Variants in GRK5 observed in about 807,000 individuals in gnomAD.
The protein encoded by GRK5 is G protein-coupled receptor kinase 5, also known as g protein-coupled receptor kinase GRK5.
In GRK5, 40 loss-of-function variants were observed where a neutral mutation model predicts 78.4. That is an observed-to-expected ratio of 0.51 (90% CI 0.40 to 0.66). The LOEUF (loss-of-function observed/expected upper bound fraction) is 0.66, where lower values mean the gene tolerates loss of function less well. Ranked by LOEUF, GRK5 falls within the 30% of genes least tolerant of loss-of-function variation. The pLI, the probability that GRK5 is intolerant of heterozygous loss-of-function variation, is 0.00. For missense variants in GRK5, 598 were observed against 759.9 expected (o/e 0.79, Z 2.50); for synonymous variants, 289 against 296.8 (o/e 0.97, Z 0.27).
At chr10:119,394,181 G>GGTGTGTGTATCCAT (rs1554916205) in intron 3 of GRK5, among the ~76,000 whole-genome samples, 18 of 33,338 alleles carry the variant, frequency 5.4e-4, no homozygotes, top group Non-Finnish European at 7.1e-4. Context: ...TGTGTGTGTG[G>GGTGTGTGTATCCAT]GTGTCTGTGT....
intron 1 of GRK5, among the ~76,000 whole-genome samples, chr10:119,212,131 A>C (rs1848497889): frequency 6.6e-6 from 1 of 151,678 alleles, no homozygotes; most frequent in South Asian, 2.1e-4. Context: ...TGTTAAACAC[A>C]ATGCCGTTAA....
intron 1 of GRK5, among the ~76,000 whole-genome samples, chr10:119,277,432 C>T (rs568556667): frequency 4.2e-4 from 64 of 152,244 alleles, no homozygotes; most frequent in African/African-American, 1.3e-3. Flanking sequence ...TGCATGCATT[C>T]TGTACCTGCT....
In GRK5 at chr10:119,385,752, G is replaced by A. The variant is rs553715854; in HGVS notation, c.261+4825G>A. 4.6e-5 allele frequency among the ~76,000 whole-genome samples: 7 copies of A among 152,298 alleles called. No homozygotes were observed. The South Asian group carries it at 8.3e-4, about 18-fold the overall frequency. ...CCTTGTGGGGAAAATCAAGAGCTCC[G>A]TTTTAGGCACACGCGCCTTGGGATG... On this transcript the variant is annotated intron_variant, in intron 3 of 15. Coordinates refer to ENST00000392870, the MANE Select transcript of GRK5 (RefSeq NM_005308.3).
intron 1 of GRK5, among the ~76,000 whole-genome samples, chr10:119,261,852 T>C (rs981053910): frequency 3.2e-4 from 49 of 152,054 alleles, no homozygotes; most frequent in African/African-American, 8.9e-4. Context: ...GGCAGCAGTA[T>C]AGTCCAGCTT....
chr10:119,302,592 C>G (rs919090191), intron 1 of GRK5, among the ~76,000 whole-genome samples: 11 of 152,216 alleles, frequency 7.2e-5, no homozygotes, highest in Non-Finnish European at 1.2e-4. Context: ...TACCTGCTCC[C>G]CAGGGCACCT....
At chr10:119,368,157 T>A (rs559993066) in intron 2 of GRK5, among the ~76,000 whole-genome samples, 1 of 152,302 alleles carries the variant, frequency 6.6e-6, no homozygotes, top group South Asian at 2.1e-4. Context: ...CAGGGCAGCG[T>A]GCAGGAAGGA....
At chr10:119,243,140 G>A (rs1006879581) in intron 1 of GRK5, among the ~76,000 whole-genome samples, 1 of 152,176 alleles carries the variant, frequency 6.6e-6, no homozygotes, top group Non-Finnish European at 1.5e-5. Flanking sequence ...AGGAGGCTGA[G>A]ACAGGAGAAT....
At chr10:119,308,880 G>A (rs982178039) in intron 1 of GRK5, among the ~76,000 whole-genome samples, 2 of 152,206 alleles carry the variant, frequency 1.3e-5, no homozygotes, top group Non-Finnish European at 2.9e-5. Context: ...GGGAATGCTG[G>A]CAGGATGGCC....
intron 1 of GRK5, among the ~76,000 whole-genome samples, chr10:119,262,392 G>A (rs954788078): frequency 7.1e-6 from 1 of 141,020 alleles, no homozygotes; most frequent in Non-Finnish European, 1.5e-5. Context: ...AGGCTGGAGT[G>A]CAGTGGCGTG....
intron 5 of GRK5, among the ~76,000 whole-genome samples, chr10:119,424,787 C>T (rs1396679847): frequency 1.3e-5 from 2 of 152,192 alleles, no homozygotes; most frequent in African/African-American, 4.8e-5. Context: ...GTGCCCAACA[C>T]TTGGCAGGTA....
chr10:119,310,157 G>T (rs189884095), intron 1 of GRK5, among the ~76,000 whole-genome samples: 1 of 152,202 alleles, frequency 6.6e-6, no homozygotes, highest in Non-Finnish European at 1.5e-5. Flanking sequence ...TGAAATAGGG[G>T]ATGCAAAAAT....
chr10:119,215,862 C>T (rs1848563082), intron 1 of GRK5, among the ~76,000 whole-genome samples: 1 of 152,028 alleles, frequency 6.6e-6, no homozygotes, highest in African/African-American at 2.4e-5. Context: ...GGCAGATCTA[C>T]AGAAAGAATA....
intron 2 of GRK5, among the ~76,000 whole-genome samples, chr10:119,363,403 G>A (rs1851396606): frequency 6.6e-6 from 1 of 152,118 alleles, no homozygotes; most frequent in African/African-American, 2.4e-5. Context: ...TCTATTCTAG[G>A]ACCAGGGAAG....
intron 1 of GRK5, among the ~76,000 whole-genome samples, chr10:119,229,362 C>T (rs1384698852): frequency 1.3e-5 from 2 of 152,136 alleles, no homozygotes; most frequent in African/African-American, 2.4e-5. Context: ...GCACTCCTAT[C>T]CTTGGTTGAC....
At chr10:119,399,874 G>A (rs1852120313) in intron 4 of GRK5, among the ~76,000 whole-genome samples, 1 of 152,150 alleles carries the variant, frequency 6.6e-6, no homozygotes, top group Non-Finnish European at 1.5e-5. Context: ...ACTGGACTGT[G>A]GCCACACCAT....
chr10:119,358,365 A>G (rs1483448814), intron 2 of GRK5, among the ~76,000 whole-genome samples: 1 of 152,126 alleles, frequency 6.6e-6, no homozygotes, highest in Non-Finnish European at 1.5e-5. Flanking sequence ...AGCTGCTCTG[A>G]CCATGTGATT....
chr10:119,274,496 A>G (rs1255279617), intron 1 of GRK5, among the ~76,000 whole-genome samples: 4 of 152,110 alleles, frequency 2.6e-5, no homozygotes, highest in African/African-American at 9.7e-5. Flanking sequence ...TGAACTCTGC[A>G]TGTTACCTTG....
chr10:119,411,051 T>C (rs1852328597), intron 4 of GRK5, among the ~76,000 whole-genome samples: 1 of 151,836 alleles, frequency 6.6e-6, no homozygotes, highest in Non-Finnish European at 1.5e-5. Flanking sequence ...GGAACCCGTA[T>C]GGCTGATGGA....
At chr10:119,386,569 T>C (rs535997438) in intron 3 of GRK5, among the ~76,000 whole-genome samples, 1 of 152,292 alleles carries the variant, frequency 6.6e-6, no homozygotes, top group South Asian at 2.1e-4. Context: ...CTGGCTCCTG[T>C]GTCAGCACGT....
Sources: gnomAD v4.1 joint callset for allele counts (sites outside exome capture counted in the v4.1 genomes callset) on GRCh38, gnomAD v4.1.1 for gene constraint, MANE v1.5 for transcripts, NCBI Gene and HGNC (gene_info 2026-07-23, HGNC 2026-07-21) for gene names.